NDE1: variants seen among roughly 807,000 people sequenced by gnomAD.
NDE1 encodes the protein nuclear distribution protein nudE homolog 1.
Under a neutral mutation model 43.4 loss-of-function variants are expected in NDE1, and 28 were observed. The observed-to-expected ratio is 0.65, with a 90% confidence interval of 0.48 to 0.89. The LOEUF (loss-of-function observed/expected upper bound fraction) is 0.89, where lower values mean the gene tolerates loss of function less well. NDE1 is among the 40% of genes least tolerant of loss of function. The pLI is 0.00. For missense variants in NDE1, 441 were observed against 434.1 expected (o/e 1.02, Z -0.14); for synonymous variants, 184 against 172.0 (o/e 1.07, Z -0.55).
chr16:15,708,222 C>T (rs1300493379), intron 8 of NDE1, among the ~76,000 whole-genome samples: 1 of 152,192 alleles, frequency 6.6e-6, no homozygotes, highest in Non-Finnish European at 1.5e-5. Flanking sequence ...ATTTGTCAGA[C>T]ATCGCAGTGA....
At chr16:15,718,511 T>C (rs1161635854) in intron 8 of NDE1, 2 of 1,526,198 alleles carry the variant, frequency 1.3e-6, no homozygotes, top group Non-Finnish European at 1.8e-6. Context: ...CTTGGAGTCA[T>C]GCCTCAGGGG....
chr16:15,665,393 A>G (rs754069455), intron 2 of NDE1, among the ~76,000 whole-genome samples: 2 of 152,050 alleles, frequency 1.3e-5, no homozygotes, highest in Non-Finnish European at 2.9e-5. Context: ...CTCCAGACCT[A>G]TGGTCCTGAT....
chr16:15,647,604 G>A (rs997505087), upstream of NDE1, among the ~76,000 whole-genome samples: 1 of 152,268 alleles, frequency 6.6e-6, no homozygotes, highest in African/African-American at 2.4e-5. Flanking sequence ...GCACTTATCA[G>A]TATCTGAAAT....
At chr16:15,717,460 G>A in intron 8 of NDE1, 1 of 1,108,186 alleles carries the variant, frequency 9.0e-7, no homozygotes, top group East Asian at 2.5e-5. Context: ...CTTGATCCCG[G>A]GCACCCTGTC....
exon 1 of NDE1, chr16:15,643,656 T>G: frequency 3.7e-6 from 1 of 269,632 alleles, no homozygotes. Flanking sequence ...CCCAGCATCC[T>G]AAATCTAGTG....
chr16:15,660,637 A>G (rs977002315), intron 1 of NDE1, among the ~76,000 whole-genome samples: 1 of 151,746 alleles, frequency 6.6e-6, no homozygotes, highest in Non-Finnish European at 1.5e-5. Flanking sequence ...CCTCCCAGTT[A>G]CTCCTGCACT....
At chr16:15,655,170 A>G (rs1208110174) in intron 1 of NDE1, among the ~76,000 whole-genome samples, 8 of 152,084 alleles carry the variant, frequency 5.3e-5, no homozygotes, top group Non-Finnish European at 7.4e-5. Flanking sequence ...GGTGCGCTCT[A>G]CCACACCTGG....
At chr16:15,673,254 A>G (rs555078344) in intron 3 of NDE1, among the ~76,000 whole-genome samples, 2 of 151,982 alleles carry the variant, frequency 1.3e-5, no homozygotes, top group Non-Finnish European at 2.9e-5. Context: ...CTGTCACCCA[A>G]GCTGGAGTGC....
chr16:15,696,801 G>A lies in NDE1; in HGVS notation c.888G>A (p.Lys296=). Reference sequence around the variant, plus strand: ...GCCCAGCCTCTGGGCGGAGCAGCAAGAACAGAGATGGCGGGGAGAGACGGC... The same window carrying A: ...GCCCAGCCTCTGGGCGGAGCAGCAAAAACAGAGATGGCGGGGAGAGACGGC... ...TGGPASGRSS[K]NRDGGERRPS... Residue 296 remains lysine, a synonymous_variant, in exon 8 of 9, where the codon AAG becomes AAA. Transcript: ENST00000396354. The A allele has an allele frequency of 6.2e-7, 1 of 1,614,206 alleles. No homozygotes were observed. Among genetic ancestry groups the A allele is most frequent in the Admixed American group, 1.7e-5 (1 of 60,018 alleles).
rs148430839 is a variant in NDE1 at position 15,695,881 on chromosome 16, C to G, written c.796-828C>G. The G allele has an allele frequency of 2.1e-3, 395 of 189,504 alleles. 5 individuals carry two copies. The highest frequency in any genetic ancestry group is 8.7e-3 in the African/African-American group (367 of 42,182). 11.7% of individuals were successfully genotyped at this position (189,504 alleles called of 1,614,324 possible). On this transcript the variant is annotated intron_variant, in intron 7 of 8. Transcript: ENST00000396354. ...GGGTCTGTTGTAGCCAGACCAAGTCCTTACCAAACTTCTTGCCATTCTGCA... is the reference window on the plus strand; with the variant it reads ...GGGTCTGTTGTAGCCAGACCAAGTCGTTACCAAACTTCTTGCCATTCTGCA...
At chr16:15,679,383 G>T (rs1256966095) in intron 4 of NDE1, among the ~76,000 whole-genome samples, 2 of 152,088 alleles carry the variant, frequency 1.3e-5, no homozygotes, top group East Asian at 1.9e-4. Context: ...ATATTGTCAG[G>T]CAGGTTCCTA....
chr16:15,696,880 C>T lies in NDE1; in HGVS notation c.947+20C>T. Reference sequence around the variant, plus strand: ...TAAGGGGTCAGTACCTTCTAATAAACCTCTCGCTGGCGGGGAGAACCCGCC... The same window carrying T: ...TAAGGGGTCAGTACCTTCTAATAAATCTCTCGCTGGCGGGGAGAACCCGCC... On this transcript the variant is annotated intron_variant, in intron 8 of 8. Transcript: ENST00000396354. 6.2e-7 allele frequency: 1 copy of T among 1,612,782 alleles called. No homozygotes were observed. The highest frequency in any genetic ancestry group is 1.1e-5 in the South Asian group (1 of 90,968).
At position 15,691,221 on chromosome 16, in the gene NDE1, A is replaced by C. The variant is rs765699430; in HGVS notation, c.601A>C (p.Arg201=). ...CATGCCCAGCTCAGTGGAAGCTGAG[A>C]GGACAGACACAGCTGTGCAGGCCAC... ...TPMPSSVEAE[R]TDTAVQATGS... Residue 201 remains arginine (R), a synonymous_variant, in exon 6 of 9, where the codon AGG becomes CGG. Transcript: ENST00000396354. 6.8e-6 allele frequency: 11 copies of C among 1,614,180 alleles called. No homozygotes were observed. Among genetic ancestry groups the C allele is most frequent in the Non-Finnish European group, 9.3e-6 (11 of 1,180,016 alleles).
chr16:15,696,671 G>C (rs374038070), intron 7 of NDE1, 38 bp from the exon 8 acceptor site: 8 of 1,613,868 alleles, frequency 5.0e-6, no homozygotes, highest in African/African-American at 1.3e-5. Flanking sequence ...AATAGTCCTT[G>C]CCTATAACTT....
intron 8 of NDE1, among the ~76,000 whole-genome samples, chr16:15,721,868 G>A (rs960083732): frequency 3.3e-5 from 5 of 152,010 alleles, no homozygotes; most frequent in Non-Finnish European, 7.4e-5. Context: ...TTGTGTGTTT[G>A]TTTGTTTTAG....
Position 15,715,159 on chromosome 16 carries a change from G to T in NDE1, c.948-9032G>T, listed in dbSNP as rs2040055306. 1.2e-6 allele frequency: 2 copies of T among 1,613,186 alleles called. No individual in the cohort carries two copies. The highest frequency in any genetic ancestry group is 1.1e-5 in the South Asian group (1 of 91,086). ...GCTCGAGGGAGGCTGGGTGGCAGGG[G>T]CTACCTGCTCCTTGTACTGCTCGGC... is the stretch of plus-strand genomic sequence containing the variant. On this transcript the variant is annotated intron_variant, in intron 8 of 8. Transcript: ENST00000396354.
At chr16:15,688,354 G>A (rs1052174501) in intron 5 of NDE1, among the ~76,000 whole-genome samples, 3 of 151,106 alleles carry the variant, frequency 2.0e-5, no homozygotes, top group Non-Finnish European at 4.4e-5. Context: ...GAGGCATTTG[G>A]CCAGGCACAG....
intron 8 of NDE1, chr16:15,713,109 T>C (rs1230475285): frequency 6.6e-6 from 1 of 151,914 alleles, no homozygotes; most frequent in Non-Finnish European, 1.5e-5. Flanking sequence ...GCTAAGAGGT[T>C]ATTCCATTTG....
intron 3 of NDE1, chr16:15,672,760 G>T (rs917596681): frequency 1.3e-5 from 2 of 152,166 alleles, no homozygotes; most frequent in African/African-American, 4.8e-5. Flanking sequence ...TGGAGCCTGC[G>T]TTTGAATTTA....
Sources: allele counts gnomAD v4.1 joint callset (sites outside exome capture counted in the v4.1 genomes callset), GRCh38; gene constraint gnomAD v4.1.1; transcripts MANE v1.5; gene names NCBI Gene and HGNC (gene_info 2026-07-23, HGNC 2026-07-21).